Variants in SH3RF3 observed in about 807,000 individuals in gnomAD.
SH3RF3 encodes SH3 domain containing ring finger 3.
In SH3RF3, 29 loss-of-function variants were observed where a neutral mutation model predicts 66.3. That is an observed-to-expected ratio of 0.44 (90% CI 0.33 to 0.60). SH3RF3 has a LOEUF of 0.60. Ranked by LOEUF, SH3RF3 falls within the 20% of genes least tolerant of loss-of-function variation. The pLI is 0.04. For missense variants in SH3RF3, 1,194 were observed against 1,190.9 expected (o/e 1.00, Z -0.04); for synonymous variants, 583 against 532.0 (o/e 1.10, Z -1.32).
intron 1 of SH3RF3, among the ~76,000 whole-genome samples, chr2:109,191,128 A>G (rs1444384021): frequency 6.6e-6 from 1 of 152,104 alleles, no homozygotes; most frequent in Non-Finnish European, 1.5e-5. Context: ...ATCCAGAGGG[A>G]CAGATTGCCA....
chr2:109,487,065 T>G (rs1272456977), intron 8 of SH3RF3, among the ~76,000 whole-genome samples: 2 of 152,192 alleles, frequency 1.3e-5, no homozygotes, highest in African/African-American at 2.4e-5. Context: ...GGGGAACGTT[T>G]GCAGAAGAAG....
At chr2:109,378,957 T>C (rs929309397) in intron 3 of SH3RF3, among the ~76,000 whole-genome samples, 1 of 152,080 alleles carries the variant, frequency 6.6e-6, no homozygotes, top group South Asian at 2.1e-4. Context: ...TCTCTACAGC[T>C]CCCTCCTCTC....
intron 4 of SH3RF3, among the ~76,000 whole-genome samples, chr2:109,404,332 G>A (rs903782963): frequency 6.6e-6 from 1 of 152,236 alleles, no homozygotes. Flanking sequence ...GCTGGGAGCT[G>A]TGTAAGGTGA....
In SH3RF3 at chr2:109,467,969, G is replaced by A. The variant is rs554047040; in HGVS notation, c.2148+18480G>A. On this transcript the variant is annotated intron_variant, in intron 8 of 9. Transcript: ENST00000309415. Reference sequence around the variant, plus strand: ...CTCCATGCGGGCTGCTGGGTCAGAGGCAGAGAGACCCTGGAGGACCTCCTC... The same window carrying A: ...CTCCATGCGGGCTGCTGGGTCAGAGACAGAGAGACCCTGGAGGACCTCCTC... Among the ~76,000 whole-genome samples the A allele has an allele frequency of 2.6e-5, 4 of 152,362 alleles. No individual in the cohort carries two copies. In the East Asian group the frequency reaches 5.8e-4, roughly 22 times the overall value.
chr2:109,135,063 A>G (rs1676785744), intron 1 of SH3RF3, among the ~76,000 whole-genome samples: 1 of 152,098 alleles, frequency 6.6e-6, no homozygotes, highest in African/African-American at 2.4e-5. Context: ...TCTCATCCCT[A>G]CCCAGTAGGT....
intron 2 of SH3RF3, among the ~76,000 whole-genome samples, chr2:109,351,574 G>A (rs746937717): frequency 6.6e-6 from 1 of 152,196 alleles, no homozygotes; most frequent in Non-Finnish European, 1.5e-5. Flanking sequence ...GCCTTGCCAG[G>A]CAGCTGCATT....
In SH3RF3 at chr2:109,383,406, C is replaced by T. The variant is rs114360375; in HGVS notation, c.945+11725C>T. ...GTCTCGGTTGCTGTTGCTGCCTCAC[C>T]CTTAGTTCTAAGACTTGGCAATGGA... On this transcript the variant is annotated intron_variant, in intron 3 of 9. Coordinates refer to ENST00000309415, the MANE Select transcript of SH3RF3 (RefSeq NM_001099289.3). Among the ~76,000 whole-genome samples, 353 of 152,286 alleles carry T rather than the reference C, an allele frequency of 2.3e-3. 2 individuals are homozygous for T. Among genetic ancestry groups the T allele is most frequent in the African/African-American group, 7.9e-3 (328 of 41,556 alleles).
rs1042835527 is a variant in SH3RF3 at position 109,420,740 on chromosome 2, C to T, written c.1403+1098C>T. On this transcript the variant is annotated intron_variant, in intron 5 of 9. Transcript: ENST00000309415. The stretch of plus-strand genomic sequence containing the variant: ...GATTACAGGCATGAGCCACCGCGCC[C>T]GGCCAAACAGGATGTATTTCAAGCA... Among the ~76,000 whole-genome samples the T allele has an allele frequency of 9.9e-5, 15 of 152,218 alleles. No homozygotes were observed. The Middle Eastern group carries it at 0.014, about 138-fold the overall frequency.
At chr2:109,315,673 G>C (rs1366639684) in intron 1 of SH3RF3, among the ~76,000 whole-genome samples, 1 of 152,224 alleles carries the variant, frequency 6.6e-6, no homozygotes, top group Non-Finnish European at 1.5e-5. Context: ...GTCTATAAAG[G>C]GGCGAGCTCT....
At chr2:109,219,932 A>G (rs1446817732) in intron 1 of SH3RF3, among the ~76,000 whole-genome samples, 2 of 152,232 alleles carry the variant, frequency 1.3e-5, no homozygotes, top group African/African-American at 4.8e-5. Flanking sequence ...AGCACTCTAA[A>G]ATTTATATGG....
chr2:109,419,735 TC>T, intron 5 of SH3RF3, 93 bp downstream of exon 5: 3 of 1,227,800 alleles, frequency 2.4e-6, no homozygotes, highest in Non-Finnish European at 3.4e-6. Flanking sequence ...CGCAGGGTTT[TC>T]CCATGTGTTA....
intron 1 of SH3RF3, among the ~76,000 whole-genome samples, chr2:109,226,433 G>A (rs560941949): frequency 6.7e-4 from 102 of 152,294 alleles, no homozygotes; most frequent in African/African-American, 2.3e-3. Context: ...AATGACACAC[G>A]TGGCCCATGT....
intron 6 of SH3RF3, among the ~76,000 whole-genome samples, chr2:109,433,248 A>C (rs1206657987): frequency 6.6e-6 from 1 of 152,264 alleles, no homozygotes; most frequent in Non-Finnish European, 1.5e-5. Flanking sequence ...GTAAAACACT[A>C]TATACATATA....
At chr2:109,444,925 A>T (rs557926436) in intron 7 of SH3RF3, among the ~76,000 whole-genome samples, 358 of 152,352 alleles carry the variant, frequency 2.3e-3, no homozygotes, top group African/African-American at 8.0e-3. Flanking sequence ...GGAATAACAT[A>T]TACACACACA....
At chr2:109,177,568 T>C (rs1677950929) in intron 1 of SH3RF3, among the ~76,000 whole-genome samples, 1 of 152,034 alleles carries the variant, frequency 6.6e-6, no homozygotes, top group South Asian at 2.1e-4. Context: ...GCACCATTCC[T>C]ACAAAGTTAG....
chr2:109,450,247 G>A (rs955931016), intron 8 of SH3RF3, among the ~76,000 whole-genome samples: 2 of 152,212 alleles, frequency 1.3e-5, no homozygotes, highest in South Asian at 2.1e-4. Flanking sequence ...CTAGGAGGCT[G>A]AGGCAGGAGA....
chr2:109,408,827 G>A (rs947727003), intron 4 of SH3RF3, among the ~76,000 whole-genome samples: 1 of 152,258 alleles, frequency 6.6e-6, no homozygotes, highest in African/African-American at 2.4e-5. Flanking sequence ...AAGCTGGATG[G>A]AGAAGCCTCT....
chr2:109,396,588 G>C (rs1011790890), intron 3 of SH3RF3, among the ~76,000 whole-genome samples: 3 of 152,176 alleles, frequency 2.0e-5, no homozygotes, highest in African/African-American at 7.2e-5. Flanking sequence ...AACTCATCAA[G>C]GTGCTACCAG....
chr2:109,194,690 A>G (rs986449924), intron 1 of SH3RF3, among the ~76,000 whole-genome samples: 4 of 152,206 alleles, frequency 2.6e-5, no homozygotes, highest in African/African-American at 4.8e-5. Flanking sequence ...TCATCAGGGC[A>G]GGTGCTGAGC....
Sources: gnomAD v4.1 joint callset for allele counts (sites outside exome capture counted in the v4.1 genomes callset) on GRCh38, gnomAD v4.1.1 for gene constraint, MANE v1.5 for transcripts, NCBI Gene and HGNC (gene_info 2026-07-23, HGNC 2026-07-21) for gene names.